ZBTB46: variants seen among roughly 807,000 people sequenced by gnomAD.
ZBTB46 encodes zinc finger and BTB domain-containing protein 46.
A neutral mutation model predicts 44.1 loss-of-function variants in ZBTB46; 8 were observed. The ratio of observed to expected loss-of-function variants is 0.18; its 90% CI spans 0.11 to 0.33. The LOEUF is 0.33. Among genes scored for constraint, ZBTB46 ranks in the 10% least tolerant of loss-of-function variants. The probability of loss-of-function intolerance (pLI) is 1.00; values close to 1 mark genes in which losing one functional copy is unlikely to be tolerated. For missense variants in ZBTB46, 651 were observed against 847.7 expected (o/e 0.77, Z 2.88); for synonymous variants, 409 against 382.3 (o/e 1.07, Z -0.81).
chr20:63,790,319 C>G lies in ZBTB46; in HGVS notation c.439G>C (p.Gly147Arg). 2 of 1,613,092 alleles carry G rather than the reference C, an allele frequency of 1.2e-6. No individual in the cohort carries two copies. The highest frequency in any genetic ancestry group is 1.7e-6 in the Non-Finnish European group (2 of 1,179,992). Reference protein sequence around the residue: ...ASDELAEFEIGASSSSSTEAL... With the variant: ...ASDELAEFEIRASSSSSTEAL... The stretch of plus-strand genomic sequence containing the variant: ...TCCGTGCTGCTGCTGGACGAGGCGC[C>G]GATCTCGAACTCCGCAAGCTCATCT... Residue 147 changes from glycine (G) to arginine (R), a missense_variant, in exon 2 of 5, where the codon GGC becomes CGC. Around this residue, in one of 5 missense-constraint regions of ZBTB46, gnomAD observed 385 missense variants for 423.3 expected, o/e 0.91. Coordinates refer to ENST00000245663, the MANE Select transcript of ZBTB46 (RefSeq NM_001369741.1).
At position 63,787,405 on chromosome 20, in the gene ZBTB46, C is replaced by A. The variant is rs554110517; in HGVS notation, c.937+2416G>T. ...AGTTCTGTCCTCAGCCTTCATGTTC[C>A]CTCAGCACTCGCTCACCCAGGGCAA... On this transcript the variant is annotated intron_variant, in intron 2 of 4. Transcript: ENST00000245663. This position sits in a 1 kb window ranked among gnomAD's most constrained non-coding sequence, Gnocchi z 4.6. Among the ~76,000 whole-genome samples, 62 of 152,364 alleles carry A rather than the reference C, an allele frequency of 4.1e-4. No homozygotes were observed. The highest frequency in any genetic ancestry group is 1.3e-3 in the African/African-American group (53 of 41,594).
At chr20:63,808,285 G>C (rs78966163) in intron 1 of ZBTB46, 3,052 of 152,594 alleles carry the variant, frequency 0.02, 57 homozygotes, top group Non-Finnish European at 0.034. Context: ...CCTGTCAGGG[G>C]TCCCCTGTAC....
chr20:63,802,444 G>A (rs557323334), intron 1 of ZBTB46, among the ~76,000 whole-genome samples: 5 of 147,138 alleles, frequency 3.4e-5, no homozygotes, highest in East Asian at 2.3e-4. Context: ...GAGGTTACTG[G>A]GGGCCCCTAA....
rs1208936488 is a variant in ZBTB46 at position 63,802,794 on chromosome 20, G to A, written c.-33-12004C>T. Reference sequence around the variant, plus strand: ...CACCCTCCCAGGAACCGCCGTGGCCGACGACCGAACCTCAGGCCCCCAGCA... The same window carrying A: ...CACCCTCCCAGGAACCGCCGTGGCCAACGACCGAACCTCAGGCCCCCAGCA... On this transcript the variant is annotated intron_variant, in intron 1 of 4. Transcript: ENST00000245663. Among the ~76,000 whole-genome samples, 48 of 141,350 alleles carry A rather than the reference G, an allele frequency of 3.4e-4. 3 individuals are homozygous for A. The highest frequency in any genetic ancestry group is 1.3e-3 in the African/African-American group (48 of 37,168). The allele number at this position is 141,350 out of a possible 152,430, so 92.7% of individuals were successfully genotyped here.
At chr20:63,765,665 A>G (rs1369094905) in intron 3 of ZBTB46, among the ~76,000 whole-genome samples, 2 of 152,154 alleles carry the variant, frequency 1.3e-5, no homozygotes, top group Admixed American at 1.3e-4. Flanking sequence ...CTCAGGCTTA[A>G]GCAATCCTCC....
intron 1 of ZBTB46, among the ~76,000 whole-genome samples, chr20:63,825,609 G>A (rs560588177): frequency 9.2e-5 from 14 of 152,228 alleles, no homozygotes; most frequent in African/African-American, 2.9e-4. Context: ...CTGCAAAGCG[G>A]CTGGCTATGG....
At chr20:63,812,902 C>T (rs1319193284) in intron 1 of ZBTB46, among the ~76,000 whole-genome samples, 1 of 151,740 alleles carries the variant, frequency 6.6e-6, no homozygotes, top group Non-Finnish European at 1.5e-5. Context: ...GACAGCATCC[C>T]GACCAACATG....
At position 63,790,470 on chromosome 20, in the gene ZBTB46, C is replaced by T. The variant is rs74454561; in HGVS notation, c.288G>A (p.Ala96=). 1.0e-3 allele frequency: 1,646 copies of T among 1,613,474 alleles called. 30 individuals carry two copies. In the East Asian group the frequency reaches 0.034, roughly 34 times the overall value. ...CCTCGATGACGTTCCTGCTGGTGAG[C>T]GCCAGGTGCGCTGAGTACATGAAGT... The part of the protein sequence containing the change: ...IIDFMYSAHL[A]LTSRNVIEVM... The change falls in exon 2 of 5, where the codon GCG becomes GCA. Residue 96 remains alanine (A), a synonymous_variant. Coordinates refer to ENST00000245663, the MANE Select transcript of ZBTB46 (RefSeq NM_001369741.1).
chr20:63,744,579 T>C lies in ZBTB46; in HGVS notation c.*2351A>G, dbSNP rs1489662409. On this transcript the variant is annotated 3_prime_UTR_variant, in exon 5 of 5. Coordinates refer to ENST00000245663, the MANE Select transcript of ZBTB46 (RefSeq NM_001369741.1). ...GAACATCGATTTAAAAAAAAATCAGTCACATAAAAAAAACCCTTCATGACA... is the reference window on the plus strand; with the variant it reads ...GAACATCGATTTAAAAAAAAATCAGCCACATAAAAAAAACCCTTCATGACA... The C allele has an allele frequency of 1.3e-5, 2 of 152,214 alleles. No homozygotes were observed. The highest frequency in any genetic ancestry group is 4.8e-5 in the African/African-American group (2 of 41,468). 9.4% of individuals were successfully genotyped at this position (152,214 alleles called of 1,614,324 possible).
chr20:63,799,747 G>A (rs368365385), intron 1 of ZBTB46, among the ~76,000 whole-genome samples: 12 of 152,160 alleles, frequency 7.9e-5, no homozygotes, highest in African/African-American at 2.7e-4. Flanking sequence ...CCCAGCTGTC[G>A]GGGAAGTGCG....
At chr20:63,784,471 C>T (rs758698711) in intron 2 of ZBTB46, among the ~76,000 whole-genome samples, 2 of 152,240 alleles carry the variant, frequency 1.3e-5, no homozygotes, top group Non-Finnish European at 2.9e-5. Flanking sequence ...CACACAGATC[C>T]TCCTGTAGCA....
chr20:63,751,589 A>C (rs1568827823), intron 4 of ZBTB46, among the ~76,000 whole-genome samples: 2 of 151,704 alleles, frequency 1.3e-5, no homozygotes, highest in African/African-American at 2.4e-5. Flanking sequence ...AGCAACCAAC[A>C]GAACCTGACC....
At chr20:63,823,525 A>ATAAATAAATAAG (rs2092803899) in intron 1 of ZBTB46, among the ~76,000 whole-genome samples, 4 of 137,468 alleles carry the variant, frequency 2.9e-5, no homozygotes, top group Non-Finnish European at 6.2e-5. Context: ...AATAAGATAA[A>ATAAATAAATAAG]ATAAAAATAA....
chr20:63,785,781 T>C (rs891530264), intron 2 of ZBTB46, among the ~76,000 whole-genome samples: 3 of 152,112 alleles, frequency 2.0e-5, no homozygotes, highest in Admixed American at 2.0e-4. Context: ...AGAACCATCC[T>C]CCATCCTCAC....
chr20:63,747,749 G>A (rs2092118829), intron 4 of ZBTB46, among the ~76,000 whole-genome samples: 1 of 152,112 alleles, frequency 6.6e-6, no homozygotes, highest in African/African-American at 2.4e-5. Context: ...TGGCACGAGG[G>A]CGGCAGTGCC....
chr20:63,831,456 C>A, upstream of ZBTB46, among the ~76,000 whole-genome samples: 1 of 144,536 alleles, frequency 6.9e-6, no homozygotes. Flanking sequence ...GCTCGGCTCC[C>A]GGCGCCGCGC....
In ZBTB46 at chr20:63,752,287, C is replaced by A. The variant is rs955978234; in HGVS notation, c.1398+399G>T. ...CTGACAACGACCTGCCAGTGCTGAG[C>A]TCCAGGGTGGGCGCGGTGGGTGCAG... On this transcript the variant is annotated intron_variant, in intron 4 of 4. Coordinates refer to ENST00000245663, the MANE Select transcript of ZBTB46 (RefSeq NM_001369741.1). This position sits in a 1 kb window ranked among gnomAD's most constrained non-coding sequence, Gnocchi z 5.6. Among the ~76,000 whole-genome samples, 1 of 152,110 alleles carries A rather than the reference C, an allele frequency of 6.6e-6. No homozygotes were observed. Among genetic ancestry groups the A allele is most frequent in the African/African-American group, 2.4e-5 (1 of 41,418 alleles).
At chr20:63,771,778 C>A (rs1177119771) in intron 3 of ZBTB46, among the ~76,000 whole-genome samples, 2 of 152,204 alleles carry the variant, frequency 1.3e-5, no homozygotes, top group Non-Finnish European at 2.9e-5. Flanking sequence ...TTTGGAAAAT[C>A]CAAGTTTTTT....
At chr20:63,765,049 G>C (rs1256941015) in intron 3 of ZBTB46, among the ~76,000 whole-genome samples, 2 of 7,288 alleles carry the variant, frequency 2.7e-4, no homozygotes, top group African/African-American at 7.3e-4. Context: ...GCGTGCGTGT[G>C]TGTGTATGTT....
Sources: gnomAD v4.1 joint callset for allele counts (sites outside exome capture counted in the v4.1 genomes callset) on GRCh38, gnomAD v4.1.1 for gene constraint, gnomAD v4.1.1 regional missense constraint, Gnocchi (gnomAD v3.1) non-coding constraint, MANE v1.5 for transcripts, NCBI Gene and HGNC (gene_info 2026-07-23, HGNC 2026-07-21) for gene names.